The following TNRC6B variants were observed in gnomAD, a reference collection of about 807,000 sequenced individuals.
The protein encoded by TNRC6B is trinucleotide repeat-containing gene 6B protein.
A neutral mutation model predicts 203.6 loss-of-function variants in TNRC6B; 52 were observed. The observed-to-expected ratio is 0.26, with a 90% CI of 0.20 to 0.32. TNRC6B has a LOEUF of 0.32. Ranked by LOEUF, TNRC6B falls within the 10% of genes least tolerant of loss-of-function variation. The pLI, the probability that TNRC6B is intolerant of heterozygous loss-of-function variation, is 1.00. For synonymous variants in TNRC6B, 838 were observed against 845.7 expected (o/e 0.99, Z 0.16); for missense variants, 1,923 against 2,286.2 (o/e 0.84, Z 3.24).
At chr22:40,082,975 A>G (rs1285016183) in intron 1 of TNRC6B, among the ~76,000 whole-genome samples, 1 of 152,268 alleles carries the variant, frequency 6.6e-6, no homozygotes, top group African/African-American at 2.4e-5. Flanking sequence ...AATTGAATAC[A>G]GGAGAACTGG....
rs1478690381 is a variant in TNRC6B at position 40,265,481 on chromosome 22, A to G, written c.1251A>G (p.Arg417=). ...CCCCTTCACAAAGCACTGGAGATCG[A>G]AAGACTGGGAGTGTTGGATCTTGGG... ...TDAPSQSTGD[R]KTGSVGSWGA... is the part of the protein sequence containing the mutation. The change falls in exon 5 of 23, where the codon CGA becomes CGG. Residue 417 remains arginine, a synonymous_variant. Transcript: ENST00000454349. 2 of 1,613,960 alleles carry G rather than the reference A, an allele frequency of 1.2e-6. No homozygotes were observed.
At position 40,323,366 on chromosome 22, in the gene TNRC6B, A is replaced by AG; in HGVS notation, c.*126dup. On this transcript the variant is annotated 3_prime_UTR_variant, in exon 23 of 23. Transcript: ENST00000454349. Reference sequence around the variant, plus strand: ...TTTAAAAGGAAAAAAGAAAACGGAGAGAAAAAAAGGTGGGTCATTGACAGA... The same window carrying AG: ...TTTAAAAGGAAAAAAGAAAACGGAGAGGAAAAAAAGGTGGGTCATTGACAGA... 1 of 1,287,898 alleles carries AG rather than the reference A, an allele frequency of 7.8e-7. No homozygotes were observed. Among genetic ancestry groups the AG allele is most frequent in the Admixed American group, 2.7e-5 (1 of 36,436 alleles). 79.8% of individuals were successfully genotyped at this position (1,287,898 alleles called of 1,614,324 possible). A position where few individuals can be genotyped will look rare whatever the true frequency, so the allele number is the denominator to read the frequency against.
chr22:40,225,833 T>A (rs576462880), intron 1 of TNRC6B, among the ~76,000 whole-genome samples: 1 of 151,292 alleles, frequency 6.6e-6, no homozygotes, highest in African/African-American at 2.4e-5. Context: ...CAGGGGTAGA[T>A]CATTCACAGA....
chr22:40,258,128 A>G (rs2070313464), intron 3 of TNRC6B, among the ~76,000 whole-genome samples: 1 of 78,810 alleles, frequency 1.3e-5, no homozygotes, highest in Non-Finnish European at 2.6e-5. Context: ...ATTTCCCTAT[A>G]GTACTGAGAT....
chr22:40,175,108 C>T (rs529844570), upstream of TNRC6B, among the ~76,000 whole-genome samples: 2 of 152,166 alleles, frequency 1.3e-5, no homozygotes, highest in Middle Eastern at 3.4e-3. Context: ...CCTGTAATCT[C>T]AGCACTTTGG....
chr22:40,316,009 A>G lies in TNRC6B; in HGVS notation c.4971A>G (p.Pro1657=). 6.2e-7 allele frequency: 1 copy of G among 1,613,372 alleles called. No individual in the cohort carries two copies. Among genetic ancestry groups the G allele is most frequent in the Non-Finnish European group, 8.5e-7 (1 of 1,179,444 alleles). ...SYWLVLHNLT[P]QIDGSTLRTI... ...GGCTGGTTCTTCACAATCTCACCCC[A>G]CAGGTAATTATGCTTTCTCGCAGTT... Residue 1657 remains proline (P), a synonymous_variant, in exon 21 of 23, where the codon CCA becomes CCG. Transcript: ENST00000454349.
chr22:40,261,822 T>C lies in TNRC6B; in HGVS notation c.116-10T>C. The C allele has an allele frequency of 6.5e-7, 1 of 1,533,212 alleles. No individual in the cohort carries two copies. Among genetic ancestry groups the C allele is most frequent in the Non-Finnish European group, 8.9e-7 (1 of 1,125,234 alleles). 95.0% of individuals were successfully genotyped at this position (1,533,212 alleles called of 1,614,324 possible). ...ATTTCAAAGACTGTTTCCCAACCCC[T>C]CTCTTTTAGTGCCCGAAGTGACGAA... On this transcript the variant is annotated splice_polypyrimidine_tract_variant and intron_variant, in intron 3 of 22. Coordinates refer to ENST00000454349, the MANE Select transcript of TNRC6B (RefSeq NM_001162501.2).
At chr22:40,209,603 C>T (rs1465268613) in intron 1 of TNRC6B, among the ~76,000 whole-genome samples, 1 of 152,170 alleles carries the variant, frequency 6.6e-6, no homozygotes, top group Non-Finnish European at 1.5e-5. Context: ...GAAGCATACC[C>T]CCAGTGAGAG....
Position 40,273,565 on chromosome 22 carries a change from G to T in TNRC6B, c.3106G>T (p.Ala1036Ser). The change falls in exon 7 of 23, where the codon GCA becomes TCA. Residue 1036 changes from alanine (A) to serine (S), a missense_variant. Physicochemically the swap from Ala to Ser is moderately conservative, Grantham distance 99. Coordinates refer to ENST00000454349, the MANE Select transcript of TNRC6B (RefSeq NM_001162501.2). ...SQGSASSHNSASWGQGGKKQM... is the reference protein window; with the variant it reads ...SQGSASSHNSSSWGQGGKKQM... ...GGGCAGTGCTTCCTCCCACAACTCA[G>T]CAAGCTGGGGACAAGGAGGAAAGAA... 4 of 1,587,504 alleles carry T rather than the reference G, an allele frequency of 2.5e-6. No homozygotes were observed. Among genetic ancestry groups the T allele is most frequent in the Non-Finnish European group, 3.4e-6 (4 of 1,166,718 alleles).
At chr22:40,092,274 G>A (rs950168580) in intron 1 of TNRC6B, among the ~76,000 whole-genome samples, 3 of 151,956 alleles carry the variant, frequency 2.0e-5, no homozygotes, top group African/African-American at 7.3e-5. Flanking sequence ...ATGGTGGTAT[G>A]TGCCTGTAAT....
At chr22:40,141,070 C>G (rs889654340) in intron 3 of TNRC6B, among the ~76,000 whole-genome samples, 7 of 151,644 alleles carry the variant, frequency 4.6e-5, no homozygotes, top group Non-Finnish European at 7.4e-5. Flanking sequence ...ACTTAACCAT[C>G]AACAAGATTT....
intron 10 of TNRC6B, 121 bp from the exon 11 acceptor site, chr22:40,280,998 G>A (rs556986865): frequency 2.6e-5 from 20 of 774,342 alleles, no homozygotes; most frequent in Admixed American, 2.4e-4. Flanking sequence ...TTCCATCCTT[G>A]GTTATTGCTA....
In TNRC6B at chr22:40,328,400, A is replaced by G. The variant is rs926784141; in HGVS notation, c.*5159A>G. The G allele has an allele frequency of 6.6e-6, 1 of 152,246 alleles. No individual in the cohort carries two copies. The highest frequency in any genetic ancestry group is 2.4e-5 in the African/African-American group (1 of 41,466). The allele number at this position is 152,246 out of a possible 1,614,324, so 9.4% of individuals were successfully genotyped here. A position where few individuals can be genotyped will look rare whatever the true frequency, so the allele number is the denominator to read the frequency against. Reference sequence around the variant, plus strand: ...TTGAATATGGTATAGAAGGTATGCAAGAGGAAAAAGAAAGGAAAAGATAAA... The same window carrying G: ...TTGAATATGGTATAGAAGGTATGCAGGAGGAAAAAGAAAGGAAAAGATAAA... On this transcript the variant is annotated 3_prime_UTR_variant, in exon 23 of 23. Transcript: ENST00000454349.
chr22:40,206,532 T>G (rs942676333), intron 1 of TNRC6B, among the ~76,000 whole-genome samples: 5 of 152,234 alleles, frequency 3.3e-5, no homozygotes, highest in African/African-American at 1.2e-4. Context: ...GGTATATAAA[T>G]TCAAAGTAAT....
chr22:40,316,489 C>A lies in TNRC6B; in HGVS notation c.4974+477C>A, dbSNP rs372534719. On this transcript the variant is annotated intron_variant, in intron 21 of 22. Transcript: ENST00000454349. ...GAAATCAGTCCAAGCAATATGAGAC[C>A]CTGTTTCTACAAAAAATTAAAAATT... 5.9e-5 allele frequency among the ~76,000 whole-genome samples: 9 copies of A among 152,168 alleles called. No homozygotes were observed. The South Asian group carries it at 1.5e-3, about 25-fold the overall frequency.
At chr22:40,245,716 G>A (rs909896789) in intron 1 of TNRC6B, among the ~76,000 whole-genome samples, 1 of 74,322 alleles carries the variant, frequency 1.3e-5, no homozygotes, top group Admixed American at 1.6e-4. Flanking sequence ...TTAATCGTGT[G>A]TGTGTGTGTG....
intron 12 of TNRC6B, among the ~76,000 whole-genome samples, chr22:40,296,088 T>C (rs2070935172): frequency 6.6e-6 from 1 of 152,116 alleles, no homozygotes; most frequent in African/African-American, 2.4e-5. Flanking sequence ...CCCTCTTTAC[T>C]ACCAACAAAG....
At chr22:40,318,276 G>A (rs150725263) in intron 21 of TNRC6B, among the ~76,000 whole-genome samples, 12 of 152,180 alleles carry the variant, frequency 7.9e-5, no homozygotes, top group South Asian at 2.1e-4. Context: ...GGCCGGGCAC[G>A]GTGGCTCACA....
intron 12 of TNRC6B, among the ~76,000 whole-genome samples, chr22:40,291,215 T>C (rs572812933): frequency 6.6e-6 from 1 of 152,066 alleles, no homozygotes; most frequent in African/African-American, 2.4e-5. Flanking sequence ...GCAAAACCTG[T>C]CTCTAACAGA....
Sources: allele counts gnomAD v4.1 joint callset (sites outside exome capture counted in the v4.1 genomes callset), GRCh38; gene constraint gnomAD v4.1.1; transcripts MANE v1.5; gene names NCBI Gene and HGNC (gene_info 2026-07-23, HGNC 2026-07-21).